RNF2: variants seen among roughly 807,000 people sequenced by gnomAD.
RNF2 encodes E3 ubiquitin-protein ligase RING2.
Under a neutral mutation model 37.2 loss-of-function variants are expected in RNF2, and 6 were observed. The observed-to-expected ratio is 0.16, with a 90% confidence interval of 0.09 to 0.32. The LOEUF is 0.32. Among genes scored for constraint, RNF2 ranks in the 10% least tolerant of loss-of-function variants. The pLI is 1.00. For missense variants in RNF2, 251 were observed against 404.0 expected, an observed-to-expected ratio of 0.62 and a Z score of 3.25; for synonymous variants, 133 against 132.7, an observed-to-expected ratio of 1.00 and a Z score of -0.02.
intron 1 of RNF2, among the ~76,000 whole-genome samples, chr1:185,069,155 A>G (rs1650890269): frequency 1.3e-5 from 2 of 152,110 alleles, no homozygotes; most frequent in African/African-American, 2.4e-5. Context: ...CACCTATACT[A>G]TTGAAAATAT....
At chr1:185,058,088 TGCATTCCA>T (rs1223346842) in intron 1 of RNF2, among the ~76,000 whole-genome samples, 9 of 152,226 alleles carry the variant, frequency 5.9e-5, no homozygotes, top group African/African-American at 1.9e-4. Context: ...ATTGCGCCTT[TGCATTCCA>T]GCATTGCTGA....
chr1:185,091,495 A>T, intron 2 of RNF2, 84 bp from the exon 3 acceptor site: 1 of 1,371,520 alleles, frequency 7.3e-7, no homozygotes, highest in Non-Finnish European at 1.0e-6. Flanking sequence ...GTTTGTTTTT[A>T]CCATTTCCAG....
At chr1:185,087,808 T>G (rs924743045) in intron 2 of RNF2, among the ~76,000 whole-genome samples, 168 bp downstream of exon 2, 1 of 152,246 alleles carries the variant, frequency 6.6e-6, no homozygotes, top group Admixed American at 6.5e-5. Context: ...ACAAATAATC[T>G]GAATACTCTA....
chr1:185,082,367 T>TTTTTTTTTTTG lies in RNF2; in HGVS notation c.-2-5185_-2-5184insTTTTTTTTTTG, dbSNP rs60213064. Among the ~76,000 whole-genome samples the TTTTTTTTTTTG allele has an allele frequency of 1.9e-4, 22 of 113,232 alleles. 1 individual carries two copies. Among genetic ancestry groups the TTTTTTTTTTTG allele is most frequent in the African/African-American group, 6.9e-4 (20 of 28,890 alleles). 74.3% of individuals were successfully genotyped at this position (113,232 alleles called of 152,430 possible). ...GAACTTTTTTTTTTTTTTTTTTTTT[T>TTTTTTTTTTTG]GAAGACAGAGTCTTGCTCTGTTACC... On this transcript the variant is annotated intron_variant, in intron 1 of 6. Transcript: ENST00000367510.
At chr1:185,069,799 T>G (rs926497960) in intron 1 of RNF2, among the ~76,000 whole-genome samples, 3 of 152,220 alleles carry the variant, frequency 2.0e-5, no homozygotes, top group Non-Finnish European at 2.9e-5. Context: ...TCAGTATGCT[T>G]CTTTTTCCCT....
At chr1:185,080,593 A>G (rs561755589) in intron 1 of RNF2, among the ~76,000 whole-genome samples, 3 of 152,328 alleles carry the variant, frequency 2.0e-5, no homozygotes, top group Admixed American at 6.5e-5. Context: ...GGTAGTATTT[A>G]AGACTGTAGA....
chr1:185,082,344 A>AATTTTT (rs1557969996), intron 1 of RNF2, among the ~76,000 whole-genome samples: 1 of 46,834 alleles, frequency 2.1e-5, no homozygotes, highest in Non-Finnish European at 4.1e-5. Flanking sequence ...CCTCTGCAGA[A>AATTTTT]CTTTTTTTTT....
chr1:185,096,466 C>A (rs898842847), intron 4 of RNF2, among the ~76,000 whole-genome samples: 8 of 152,188 alleles, frequency 5.3e-5, no homozygotes, highest in Non-Finnish European at 1.2e-4. Flanking sequence ...TCCCTCCCCC[C>A]AGTTCCCGGT....
At chr1:185,081,502 T>G (rs534691538) in intron 1 of RNF2, among the ~76,000 whole-genome samples, 37 of 146,544 alleles carry the variant, frequency 2.5e-4, no homozygotes, top group African/African-American at 9.3e-4. Flanking sequence ...CAAGTGATTA[T>G]CCTGCCTCAG....
At chr1:185,052,121 T>C (rs1180923053) in intron 1 of RNF2, among the ~76,000 whole-genome samples, 1 of 152,118 alleles carries the variant, frequency 6.6e-6, no homozygotes, top group Admixed American at 6.5e-5. Context: ...TCATGGAATA[T>C]CTGTTCTTCC....
intron 4 of RNF2, among the ~76,000 whole-genome samples, chr1:185,093,526 GT>G (rs1391482130): frequency 6.6e-6 from 1 of 152,110 alleles, no homozygotes; most frequent in Non-Finnish European, 1.5e-5. Flanking sequence ...CCTTGAAAGA[GT>G]TGTAACTCCA....
chr1:185,068,738 A>G (rs748082234), intron 1 of RNF2, among the ~76,000 whole-genome samples: 23 of 152,356 alleles, frequency 1.5e-4, no homozygotes, highest in Admixed American at 7.2e-4. Context: ...ATAATGTTAC[A>G]GTAGCCATAG....
At chr1:185,066,889 A>G (rs1192594504) in intron 1 of RNF2, among the ~76,000 whole-genome samples, 2 of 152,204 alleles carry the variant, frequency 1.3e-5, no homozygotes, top group Non-Finnish European at 1.5e-5. Context: ...GATGGGAGAA[A>G]TGTGGTAGGA....
At chr1:185,098,036 G>C in intron 4 of RNF2, 36 bp from the exon 5 acceptor site, 1 of 1,602,548 alleles carries the variant, frequency 6.2e-7, no homozygotes. Context: ...AGGCCTAAAA[G>C]TAAATTTTAT....
At chr1:185,050,375 C>G (rs773597103) in intron 1 of RNF2, among the ~76,000 whole-genome samples, 3 of 152,246 alleles carry the variant, frequency 2.0e-5, no homozygotes, top group Non-Finnish European at 4.4e-5. Flanking sequence ...TATAACTACT[C>G]TTTTTATCTT....
At chr1:185,097,296 C>T (rs183538834) in intron 4 of RNF2, among the ~76,000 whole-genome samples, 109 of 152,186 alleles carry the variant, frequency 7.2e-4, no homozygotes, top group Admixed American at 2.6e-3. Context: ...ATCGCATTTT[C>T]CTCAGTCATT....
chr1:185,069,119 G>A (rs1157655836), intron 1 of RNF2, among the ~76,000 whole-genome samples: 1 of 151,904 alleles, frequency 6.6e-6, no homozygotes, highest in Non-Finnish European at 1.5e-5. Flanking sequence ...GCCTGTTAAT[G>A]TGCTATTTAT....
chr1:185,092,168 C>A (rs1651785194), intron 3 of RNF2, among the ~76,000 whole-genome samples: 1 of 150,540 alleles, frequency 6.6e-6, no homozygotes, highest in South Asian at 2.1e-4. Flanking sequence ...TTTCTTCTTT[C>A]CCCTTTCCCC....
intron 1 of RNF2, among the ~76,000 whole-genome samples, chr1:185,084,222 C>A (rs1339185965): frequency 6.6e-6 from 1 of 152,102 alleles, no homozygotes. Flanking sequence ...TTTAAGTCTT[C>A]TAGCTATCTG....
Sources: allele counts gnomAD v4.1 joint callset (sites outside exome capture counted in the v4.1 genomes callset), GRCh38; gene constraint gnomAD v4.1.1; transcripts MANE v1.5; gene names NCBI Gene and HGNC (gene_info 2026-07-23, HGNC 2026-07-21).